LARGE1: variants seen among roughly 807,000 people sequenced by gnomAD.
LARGE1 encodes the protein LARGE xylosyl- and glucuronyltransferase 1, also known as xylosyl- and glucuronyltransferase LARGE1.
LARGE1 carries 43 observed loss-of-function variants against 87.6 expected under a neutral mutation model. That is an observed-to-expected ratio of 0.49 (90% CI 0.38 to 0.63). The LOEUF is 0.63. LARGE1 is among the 30% of genes least tolerant of loss of function. The pLI is 0.00. For missense variants in LARGE1, 802 were observed against 1,000.2 expected, an observed-to-expected ratio of 0.80 and a Z score of 2.67; for synonymous variants, 434 against 394.6, an observed-to-expected ratio of 1.10 and a Z score of -1.18.
intron 6 of LARGE1, among the ~76,000 whole-genome samples, chr22:33,561,308 T>C (rs2077852055): frequency 6.6e-6 from 1 of 152,198 alleles, no homozygotes. Context: ...TGGTTTTCTC[T>C]GGTACGCCAG....
intron 5 of LARGE1, among the ~76,000 whole-genome samples, chr22:33,593,427 T>G (rs1195720022): frequency 6.6e-6 from 1 of 152,220 alleles, no homozygotes; most frequent in Non-Finnish European, 1.5e-5. Context: ...TGGTTGGTAT[T>G]CTTGGGTCTC....
rs558581457 is a variant in LARGE1 at position 33,858,541 on chromosome 22, T to C, written c.-83+61454A>G. 3.2e-4 allele frequency among the ~76,000 whole-genome samples: 48 copies of C among 152,272 alleles called. 1 individual carries two copies. The highest frequency in any genetic ancestry group is 2.5e-3 in the South Asian group (12 of 4,818). ...ACCTCCTGTTTTTGCCTAATTAGCA[T>C]TTTAGTGAGCTCTCTTTACTACCTG... is the stretch of plus-strand genomic sequence containing the variant. On this transcript the variant is annotated intron_variant, in intron 1 of 14. Coordinates refer to ENST00000397394, the MANE Select transcript of LARGE1 (RefSeq NM_133642.5).
intron 11 of LARGE1, among the ~76,000 whole-genome samples, chr22:33,259,414 C>T (rs1251315264): frequency 2.0e-5 from 3 of 151,792 alleles, no homozygotes; most frequent in East Asian, 3.9e-4. Context: ...AATTCCTTCA[C>T]TTTTTTGCCA....
At chr22:33,488,954 C>T (rs1486202387) in intron 6 of LARGE1, among the ~76,000 whole-genome samples, 4 of 152,196 alleles carry the variant, frequency 2.6e-5, no homozygotes, top group Non-Finnish European at 5.9e-5. Context: ...AAGTCTTTGT[C>T]ATGACATATG....
intron 10 of LARGE1, among the ~76,000 whole-genome samples, chr22:33,319,103 C>T (rs1936464174): frequency 6.6e-6 from 1 of 152,216 alleles, no homozygotes; most frequent in Admixed American, 6.5e-5. Context: ...CACTCCCCGC[C>T]ACCCCAGATA....
At chr22:33,302,932 T>C (rs1934362526) in intron 12 of LARGE1, among the ~76,000 whole-genome samples, 1 of 152,132 alleles carries the variant, frequency 6.6e-6, no homozygotes, top group African/African-American at 2.4e-5. Context: ...AATGGGATGA[T>C]ATATGCAAAT....
chr22:33,566,430 G>A (rs2078026793), intron 5 of LARGE1, among the ~76,000 whole-genome samples: 1 of 152,168 alleles, frequency 6.6e-6, no homozygotes, highest in Non-Finnish European at 1.5e-5. Flanking sequence ...TGCAAAGGAA[G>A]AAAAAAATAG....
At position 33,765,570 on chromosome 22, in the gene LARGE1, T is replaced by C. The variant is rs902551467; in HGVS notation, c.-82-4012A>G. 8.6e-5 allele frequency among the ~76,000 whole-genome samples: 13 copies of C among 151,642 alleles called. No individual in the cohort carries two copies. The East Asian group carries it at 2.5e-3, about 29-fold the overall frequency. ...AATACAAAAAATTAGCTGGGCATGG[T>C]GGTGGGCGCCTGTAATCCCAGCTAC... On this transcript the variant is annotated intron_variant, in intron 1 of 14. Transcript: ENST00000397394.
At chr22:33,348,349 T>G (rs1385157628) in intron 9 of LARGE1, among the ~76,000 whole-genome samples, 2 of 142,436 alleles carry the variant, frequency 1.4e-5, no homozygotes, top group East Asian at 4.3e-4. Flanking sequence ...GGCACTGATC[T>G]GGTAAGACTT....
chr22:33,176,122 C>T (rs946531942), intron 11 of LARGE1, among the ~76,000 whole-genome samples: 1 of 152,092 alleles, frequency 6.6e-6, no homozygotes, highest in Admixed American at 6.6e-5. Flanking sequence ...TGAAAATGGA[C>T]CCCTTCCTTA....
chr22:33,253,055 C>G (rs926385045), intron 11 of LARGE1, among the ~76,000 whole-genome samples: 2 of 152,082 alleles, frequency 1.3e-5, no homozygotes, highest in South Asian at 2.1e-4. Context: ...TGGAATGTAA[C>G]TGGATTATAC....
intron 2 of LARGE1, among the ~76,000 whole-genome samples, chr22:33,691,722 T>C (rs927112250): frequency 6.6e-6 from 1 of 152,180 alleles, no homozygotes; most frequent in Admixed American, 6.5e-5. Flanking sequence ...CACTTAACAA[T>C]TAGCCTCTTC....
chr22:33,835,644 A>G (rs922926779), intron 1 of LARGE1, among the ~76,000 whole-genome samples: 3 of 152,240 alleles, frequency 2.0e-5, no homozygotes, highest in African/African-American at 4.8e-5. Flanking sequence ...GAAAGTCGTT[A>G]TAACGAAGAG....
chr22:33,615,129 C>T (rs2079545725), intron 4 of LARGE1, among the ~76,000 whole-genome samples: 1 of 152,148 alleles, frequency 6.6e-6, no homozygotes, highest in African/African-American at 2.4e-5. Context: ...CTATTTACTT[C>T]TTCTTTGTTC....
intron 1 of LARGE1, among the ~76,000 whole-genome samples, chr22:33,866,933 G>A (rs886732425): frequency 4.6e-5 from 7 of 152,138 alleles, no homozygotes; most frequent in South Asian, 4.1e-4. Context: ...CACTAAAGGG[G>A]TTGATTATTG....
chr22:33,448,740 C>T (rs2067788932), intron 6 of LARGE1, among the ~76,000 whole-genome samples: 1 of 152,170 alleles, frequency 6.6e-6, no homozygotes, highest in Admixed American at 6.6e-5. Flanking sequence ...CCTGCCTCCC[C>T]AACTTTATTG....
At chr22:33,808,597 G>A (rs754819386) in intron 1 of LARGE1, among the ~76,000 whole-genome samples, 51 of 152,314 alleles carry the variant, frequency 3.3e-4, no homozygotes, top group Non-Finnish European at 6.2e-4. Flanking sequence ...CGCTGGGATC[G>A]TAAAGAAGAA....
Position 33,556,529 on chromosome 22 carries a change from A to C in LARGE1, c.787+8319T>G, listed in dbSNP as rs1193509527. 2.9e-4 allele frequency among the ~76,000 whole-genome samples: 13 copies of C among 44,468 alleles called. No individual in the cohort carries two copies. In the South Asian group the frequency reaches 0.013, roughly 46 times the overall value. 29.2% of individuals were successfully genotyped at this position (44,468 alleles called of 152,430 possible). On this transcript the variant is annotated intron_variant, in intron 6 of 14. Transcript: ENST00000397394. ...AAAGAAGGAAGGAAGGGAGGGAGGGAGGGAGGGAAGGAGGGAGGGAGGGAG... is the reference window on the plus strand; with the variant it reads ...AAAGAAGGAAGGAAGGGAGGGAGGGCGGGAGGGAAGGAGGGAGGGAGGGAG...
chr22:33,864,397 A>G (rs1007070703), intron 1 of LARGE1, among the ~76,000 whole-genome samples: 13 of 152,214 alleles, frequency 8.5e-5, no homozygotes, highest in African/African-American at 2.2e-4. Flanking sequence ...CATACATGAT[A>G]AAGACAAGAA....
Sources: allele counts gnomAD v4.1 joint callset (sites outside exome capture counted in the v4.1 genomes callset), GRCh38; gene constraint gnomAD v4.1.1; transcripts MANE v1.5; gene names NCBI Gene and HGNC (gene_info 2026-07-23, HGNC 2026-07-21).